Variants in SEPHS1 observed in about 807,000 individuals in gnomAD.
SEPHS1 encodes selenophosphate synthetase 1.
In SEPHS1, 7 loss-of-function variants were observed where a neutral mutation model predicts 39.2. That is an observed-to-expected ratio of 0.18 (90% confidence interval 0.10 to 0.34). SEPHS1 has a LOEUF of 0.34. Among genes scored for constraint, SEPHS1 ranks in the 10% least tolerant of loss-of-function variants. The probability of loss-of-function intolerance (pLI) is 1.00; values close to 1 mark genes in which losing one functional copy is unlikely to be tolerated. For synonymous variants in SEPHS1, 190 were observed against 195.5 expected, an observed-to-expected ratio of 0.97 and a Z score of 0.23; for missense variants, 253 against 514.5, an observed-to-expected ratio of 0.49 and a Z score of 4.92.
rs1286994652 is a variant in SEPHS1 at position 13,317,821 on chromosome 10, G to A, written c.*1321C>T. The A allele has an allele frequency of 1.3e-5, 2 of 152,212 alleles. No individual in the cohort carries two copies. Among genetic ancestry groups the A allele is most frequent in the African/African-American group, 4.8e-5 (2 of 41,452 alleles). The allele number at this position is 152,212 out of a possible 1,614,324, so 9.4% of individuals were successfully genotyped here. A position where few individuals can be genotyped will look rare whatever the true frequency, so the allele number is the denominator to read the frequency against. ...AGGATCCAGCGCCCTTGTGCTTAAT[G>A]ACAGGAATCCCTCCTCATTGCTTAG... On this transcript the variant is annotated 3_prime_UTR_variant, in exon 9 of 9. Transcript: ENST00000327347.
At chr10:13,340,351 T>C (rs1833749172) in intron 2 of SEPHS1, among the ~76,000 whole-genome samples, 1 of 152,056 alleles carries the variant, frequency 6.6e-6, no homozygotes, top group Non-Finnish European at 1.5e-5. Context: ...GTTTCAACAA[T>C]GTCAGGCACT....
chr10:13,320,127 A>T (rs1435876866), intron 8 of SEPHS1, among the ~76,000 whole-genome samples: 1 of 152,212 alleles, frequency 6.6e-6, no homozygotes, highest in South Asian at 2.1e-4. Context: ...TCCAAAAGAC[A>T]AACAGTATAA....
chr10:13,339,716 C>A (rs1833734594), intron 2 of SEPHS1, among the ~76,000 whole-genome samples: 1 of 152,138 alleles, frequency 6.6e-6, no homozygotes, highest in Non-Finnish European at 1.5e-5. Flanking sequence ...TTGCATATAA[C>A]CTACACACAT....
At chr10:13,320,537 T>C (rs1229828440) in intron 8 of SEPHS1, among the ~76,000 whole-genome samples, 2 of 151,478 alleles carry the variant, frequency 1.3e-5, no homozygotes, top group Non-Finnish European at 2.9e-5. Context: ...AGTCTACTTC[T>C]ACAAAATGTA....
Position 13,318,965 on chromosome 10 carries a change from T to C in SEPHS1, c.*177A>G, listed in dbSNP as rs1317792297. The C allele has an allele frequency of 6.5e-6, 4 of 613,370 alleles. No individual in the cohort carries two copies. Among genetic ancestry groups the C allele is most frequent in the Non-Finnish European group, 1.1e-5 (4 of 356,816 alleles). The allele number at this position is 613,370 out of a possible 1,614,324, so 38.0% of individuals were successfully genotyped here. On this transcript the variant is annotated 3_prime_UTR_variant, in exon 9 of 9. Coordinates refer to ENST00000327347, the MANE Select transcript of SEPHS1 (RefSeq NM_012247.5). ...AGATTAGGTGCATCTTCAGTTAATG[T>C]AACAGGAAAAAAAGGCAATGGATTT... is the stretch of plus-strand genomic sequence containing the variant.
chr10:13,337,510 A>C (rs1588545102), intron 3 of SEPHS1, among the ~76,000 whole-genome samples: 1 of 152,222 alleles, frequency 6.6e-6, no homozygotes, highest in South Asian at 2.1e-4. Flanking sequence ...GTGGCTGTTT[A>C]ATTGCTTGCT....
intron 8 of SEPHS1, 105 bp downstream of exon 8, chr10:13,322,730 A>C: frequency 2.9e-6 from 3 of 1,051,506 alleles, no homozygotes; most frequent in Non-Finnish European, 4.2e-6. Context: ...AGCAGCATGG[A>C]ACTCGAACAG....
In SEPHS1 at chr10:13,348,136, G is replaced by A. The variant is rs1381796486; in HGVS notation, c.-215C>T. 6.9e-6 allele frequency: 1 copy of A among 144,994 alleles called. No homozygotes were observed. The highest frequency in any genetic ancestry group is 1.5e-5 in the Non-Finnish European group (1 of 65,366). 9.0% of individuals were successfully genotyped at this position (144,994 alleles called of 1,614,324 possible). On this transcript the variant is annotated 5_prime_UTR_variant, in exon 1 of 9. Coordinates refer to ENST00000327347, the MANE Select transcript of SEPHS1 (RefSeq NM_012247.5). ...CCCGGCGGCGGCGGCGGCGGCGGGGGCCCGGGCCCGCGCCTGGGCGCCGCG... is the reference window on the plus strand; with the variant it reads ...CCCGGCGGCGGCGGCGGCGGCGGGGACCCGGGCCCGCGCCTGGGCGCCGCG...
intron 7 of SEPHS1, among the ~76,000 whole-genome samples, chr10:13,327,153 A>T (rs1833324759): frequency 6.7e-6 from 1 of 149,038 alleles, no homozygotes; most frequent in Non-Finnish European, 1.5e-5. Context: ...AGGCAACAGA[A>T]CTGCTTGAAC....
chr10:13,343,791 G>A (rs1429128831), intron 2 of SEPHS1, among the ~76,000 whole-genome samples: 1 of 152,122 alleles, frequency 6.6e-6, no homozygotes, highest in African/African-American at 2.4e-5. Flanking sequence ...TCCAGCCTGG[G>A]TGACAGAGTG....
At chr10:13,327,920 A>G (rs1051272800) in intron 7 of SEPHS1, among the ~76,000 whole-genome samples, 1 of 152,226 alleles carries the variant, frequency 6.6e-6, no homozygotes, top group Non-Finnish European at 1.5e-5. Flanking sequence ...AATATTCTAA[A>G]ATGCAAGAAA....
chr10:13,329,638 C>A, intron 6 of SEPHS1, 60 bp downstream of exon 6: 4 of 1,349,890 alleles, frequency 3.0e-6, no homozygotes, highest in Non-Finnish European at 3.1e-6. Flanking sequence ...AATCCTCCAA[C>A]AAAAATTACC....
At chr10:13,332,123 A>G (rs1168882507) in intron 5 of SEPHS1, among the ~76,000 whole-genome samples, 1 of 152,246 alleles carries the variant, frequency 6.6e-6, no homozygotes, top group African/African-American at 2.4e-5. Context: ...GAAACAACCC[A>G]AAGGTCCGTC....
chr10:13,326,742 T>C (rs973795200), intron 7 of SEPHS1, among the ~76,000 whole-genome samples: 2 of 152,032 alleles, frequency 1.3e-5, no homozygotes, highest in Admixed American at 6.6e-5. Flanking sequence ...CTATGTTGCC[T>C]AGGCTGGTCT....
intron 4 of SEPHS1, among the ~76,000 whole-genome samples, chr10:13,334,319 T>A (rs1422320335): frequency 5.3e-5 from 8 of 151,998 alleles, no homozygotes; most frequent in African/African-American, 1.9e-4. Flanking sequence ...GGCGGGCAGA[T>A]CACCTGAGGT....
At chr10:13,325,516 A>AT (rs1369906627) in intron 7 of SEPHS1, among the ~76,000 whole-genome samples, 1 of 152,172 alleles carries the variant, frequency 6.6e-6, no homozygotes, top group Non-Finnish European at 1.5e-5. Context: ...CCTCATGAAG[A>AT]ACCTAGGTGC....
intron 7 of SEPHS1, among the ~76,000 whole-genome samples, chr10:13,327,846 C>T (rs10737070): frequency 0.64 from 96,802 of 152,006 alleles, 31,083 homozygotes; most frequent in East Asian, 0.77. Context: ...CAATGGTGAA[C>T]AAAACAAGTA....
At position 13,332,980 on chromosome 10, in the gene SEPHS1, A is replaced by G. The variant is rs181336657; in HGVS notation, c.560+837T>C. ...AATCCAGGATGGAGCAGGAGTGAAC[A>G]GTGAGAGCCGAGGAGGATGGGGTTT... On this transcript the variant is annotated intron_variant, in intron 5 of 8. Coordinates refer to ENST00000327347, the MANE Select transcript of SEPHS1 (RefSeq NM_012247.5). Among the ~76,000 whole-genome samples, 8 of 152,206 alleles carry G rather than the reference A, an allele frequency of 5.3e-5. No individual in the cohort carries two copies. The East Asian group carries it at 7.7e-4, about 15-fold the overall frequency.
At chr10:13,319,799 T>C (rs1418375548) in intron 8 of SEPHS1, among the ~76,000 whole-genome samples, 1 of 152,182 alleles carries the variant, frequency 6.6e-6, no homozygotes, top group African/African-American at 2.4e-5. Flanking sequence ...TGTTCTATGC[T>C]GTAATTAAGC....
Sources: gnomAD v4.1 joint callset for allele counts (sites outside exome capture counted in the v4.1 genomes callset) on GRCh38, gnomAD v4.1.1 for gene constraint, MANE v1.5 for transcripts, NCBI Gene and HGNC (gene_info 2026-07-23, HGNC 2026-07-21) for gene names.